The following CNEP1R1 variants were observed in gnomAD, a reference collection of about 807,000 sequenced individuals.
CNEP1R1 encodes CTD nuclear envelope phosphatase 1 regulatory subunit 1.
A neutral mutation model predicts 22.7 loss-of-function variants in CNEP1R1; 10 were observed. The observed-to-expected ratio is 0.44, with a 90% CI of 0.27 to 0.75. CNEP1R1 has a LOEUF of 0.75. Ranked by LOEUF, CNEP1R1 falls within the 30% of genes least tolerant of loss-of-function variation. The pLI is 0.17. For synonymous variants in CNEP1R1, 53 were observed against 50.1 expected, an observed-to-expected ratio of 1.06 and a Z score of -0.25; for missense variants, 73 against 151.5, an observed-to-expected ratio of 0.48 and a Z score of 2.72.
chr16:50,026,019 T>G (rs2036179721), intron 1 of CNEP1R1: 1 of 452,572 alleles, frequency 2.2e-6, no homozygotes, highest in Non-Finnish European at 3.9e-6. Context: ...GTGGTTCTAA[T>G]AGGAAGTTCT....
intron 2 of CNEP1R1, chr16:50,026,901 A>C (rs1305623786): frequency 6.4e-6 from 1 of 156,676 alleles, no homozygotes; most frequent in Non-Finnish European, 1.4e-5. Flanking sequence ...TGAACCCGGG[A>C]GGCGGGGATT....
rs1169203314 is a variant in CNEP1R1, at chr16:50,026,418, A to T, written c.48A>T (p.Arg16Ser). 26 of 1,610,180 alleles carry T rather than the reference A, an allele frequency of 1.6e-5. No homozygotes were observed. The highest frequency in any genetic ancestry group is 5.0e-5 in the Admixed American group (3 of 59,560). Residue 16 changes from arginine (R) to serine (S), a missense_variant, in exon 2 of 6, where the codon AGA becomes AGT. By Grantham distance (110) the Arg-to-Ser change is moderately radical. Coordinates refer to ENST00000427478, the MANE Select transcript of CNEP1R1 (RefSeq NM_001281789.2). ...TAGATCTCAAGGCTTTTGAGAGGAG[A>T]CTTACTGAATATATTCATTGTTTGC... Reference protein sequence around the residue: ...QAEDLKAFERRLTEYIHCLQP... With the variant: ...QAEDLKAFERSLTEYIHCLQP...
At chr16:50,025,889 CAG>C (rs1271036549) in intron 1 of CNEP1R1, 8 of 596,470 alleles carry the variant, frequency 1.3e-5, no homozygotes, top group Non-Finnish European at 2.1e-5. Flanking sequence ...CACTCGCTAT[CAG>C]TGTCAAGAAG....
intron 1 of CNEP1R1, chr16:50,026,059 A>T: frequency 2.4e-6 from 1 of 420,884 alleles, no homozygotes; most frequent in Non-Finnish European, 4.2e-6. Flanking sequence ...ACTCGACCTG[A>T]TTTTAATTTT....
At chr16:50,028,506 A>G (rs1009564869) in intron 2 of CNEP1R1, among the ~76,000 whole-genome samples, 1 of 152,160 alleles carries the variant, frequency 6.6e-6, no homozygotes, top group African/African-American at 2.4e-5. Context: ...ATTTACAGGT[A>G]ATGATTTTCC....
intron 4 of CNEP1R1, 93 bp downstream of exon 4, chr16:50,033,599 C>T (rs1361022264): frequency 3.2e-6 from 2 of 631,374 alleles, no homozygotes; most frequent in Non-Finnish European, 5.4e-6. Context: ...CGTGGTGGCT[C>T]ACGCCTGTAA....
At chr16:50,030,435 G>GA (rs1195559817) in intron 3 of CNEP1R1, among the ~76,000 whole-genome samples, 1 of 151,804 alleles carries the variant, frequency 6.6e-6, no homozygotes, top group African/African-American at 2.4e-5. Flanking sequence ...CCCTGTCTCA[G>GA]AAAAAAAGAG....
In CNEP1R1 at chr16:50,036,977, C is replaced by G. The variant is rs2036285126; in HGVS notation, c.*1519C>G. 6.6e-6 allele frequency: 1 copy of G among 152,608 alleles called. No homozygotes were observed. The highest frequency in any genetic ancestry group is 2.4e-5 in the African/African-American group (1 of 41,440). 9.5% of individuals were successfully genotyped at this position (152,608 alleles called of 1,614,324 possible). On this transcript the variant is annotated 3_prime_UTR_variant, in exon 6 of 6. Transcript: ENST00000427478. Reference sequence around the variant, plus strand: ...TGAACTGCAGCAATAAAACCCTCAGCTCCTAAGAAGTCTTAAGAGGGTATT... The same window carrying G: ...TGAACTGCAGCAATAAAACCCTCAGGTCCTAAGAAGTCTTAAGAGGGTATT...
intron 1 of CNEP1R1, chr16:50,025,893 G>C: frequency 3.4e-6 from 2 of 590,490 alleles, no homozygotes; most frequent in Non-Finnish European, 6.0e-6. Context: ...CGCTATCAGT[G>C]TCAAGAAGTC....
At chr16:50,026,630 T>A (rs923726536) in intron 2 of CNEP1R1, 163 bp downstream of exon 2, 17 of 612,698 alleles carry the variant, frequency 2.8e-5, no homozygotes, top group East Asian at 8.3e-5. Context: ...TAACTGGCCT[T>A]CTCAAAAGAA....
At chr16:50,026,298 G>A (rs1185073414) in intron 1 of CNEP1R1, 98 bp from the exon 2 acceptor site, 6 of 788,734 alleles carry the variant, frequency 7.6e-6, no homozygotes, top group Non-Finnish European at 1.1e-5. Context: ...AAGCAGTTAA[G>A]AGTATCTCAC....
At chr16:50,033,606 G>T in intron 4 of CNEP1R1, 100 bp downstream of exon 4, 1 of 572,444 alleles carries the variant, frequency 1.7e-6, no homozygotes, top group Non-Finnish European at 3.1e-6. Context: ...GCTCACGCCT[G>T]TAATCCCAGC....
chr16:50,028,253 G>A (rs1301275567), intron 2 of CNEP1R1, among the ~76,000 whole-genome samples: 3 of 152,166 alleles, frequency 2.0e-5, no homozygotes, highest in South Asian at 2.1e-4. Context: ...GAGCCACCAC[G>A]CTGGGCCAAA....
At chr16:50,026,491 A>T in intron 2 of CNEP1R1, 24 bp downstream of exon 2, 1 of 1,514,592 alleles carries the variant, frequency 6.6e-7, no homozygotes, top group African/African-American at 1.4e-5. Flanking sequence ...TGTTATTTTA[A>T]GGGAAAACTA....
In CNEP1R1 at chr16:50,035,459, C is replaced by T. The variant is rs747187457; in HGVS notation, c.*1C>T. 3.2e-6 allele frequency: 5 copies of T among 1,578,236 alleles called. No individual in the cohort carries two copies. The South Asian group carries it at 3.4e-5, about 11-fold the overall frequency. On this transcript the variant is annotated 3_prime_UTR_variant, in exon 6 of 6. Transcript: ENST00000427478. Reference sequence around the variant, plus strand: ...GAAACCTAGGCCTCATGTTCAATGACAATCTTCACTCATTGTTATGGGACT... The same window carrying T: ...GAAACCTAGGCCTCATGTTCAATGATAATCTTCACTCATTGTTATGGGACT...
At chr16:50,031,277 G>A (rs920228977) in intron 3 of CNEP1R1, among the ~76,000 whole-genome samples, 6 of 152,142 alleles carry the variant, frequency 3.9e-5, no homozygotes, top group African/African-American at 1.2e-4. Context: ...AGTTTATTTC[G>A]CATATAGTCT....
Position 50,025,267 on chromosome 16 carries a change from A to G in CNEP1R1, c.-49A>G. Reference sequence around the variant, plus strand: ...CTGCGGGCCGGGCGGGGGCCGCGGAAGCTGCGATGCGGACAGGGCAGCGGC... The same window carrying G: ...CTGCGGGCCGGGCGGGGGCCGCGGAGGCTGCGATGCGGACAGGGCAGCGGC... On this transcript the variant is annotated 5_prime_UTR_variant, in exon 1 of 6. Coordinates refer to ENST00000427478, the MANE Select transcript of CNEP1R1 (RefSeq NM_001281789.2). The G allele has an allele frequency of 1.4e-6, 2 of 1,387,116 alleles. No homozygotes were observed. Among genetic ancestry groups the G allele is most frequent in the Non-Finnish European group, 1.9e-6 (2 of 1,076,042 alleles). The allele number at this position is 1,387,116 out of a possible 1,614,324, so 85.9% of individuals were successfully genotyped here.
Position 50,037,015 on chromosome 16 carries a change from CTTTG to C in CNEP1R1, c.*1561_*1564del, listed in dbSNP as rs1192945870. 6.6e-6 allele frequency: 1 copy of C among 152,486 alleles called. No homozygotes were observed. Among genetic ancestry groups the C allele is most frequent in the African/African-American group, 2.4e-5 (1 of 41,400 alleles). The allele number at this position is 152,486 out of a possible 1,614,324, so 9.4% of individuals were successfully genotyped here. A position where few individuals can be genotyped will look rare whatever the true frequency, so the allele number is the denominator to read the frequency against. ...TTAAGAGGGTATTCTATATATTCTG[CTTTG>C]TTTTATTTTCTGTAAATTTTGTAGG... is the stretch of plus-strand genomic sequence containing the variant. On this transcript the variant is annotated 3_prime_UTR_variant, in exon 6 of 6. Coordinates refer to ENST00000427478, the MANE Select transcript of CNEP1R1 (RefSeq NM_001281789.2).
In CNEP1R1 at chr16:50,025,398, G is replaced by C; in HGVS notation, c.25+58G>C. ...TCCCCTCGGAAGCTGGCGGTGCTCC[G>C]GAGGAGCCGGCGTCGTGAAGACCCC... On this transcript the variant is annotated intron_variant, in intron 1 of 5. Transcript: ENST00000427478. The C allele has an allele frequency of 2.0e-5, 28 of 1,411,482 alleles. No individual in the cohort carries two copies. In the South Asian group the frequency reaches 3.1e-4, roughly 16 times the overall value. 87.4% of individuals were successfully genotyped at this position (1,411,482 alleles called of 1,614,324 possible).
Sources: gnomAD v4.1 joint callset for allele counts (sites outside exome capture counted in the v4.1 genomes callset) on GRCh38, gnomAD v4.1.1 for gene constraint, MANE v1.5 for transcripts, NCBI Gene and HGNC (gene_info 2026-07-23, HGNC 2026-07-21) for gene names.